The following GPR63 variants were observed in gnomAD, a reference collection of about 807,000 sequenced individuals.
GPR63 encodes probable G protein-coupled receptor 63.
Under a neutral mutation model 23.1 loss-of-function variants are expected in GPR63, and 12 were observed. The observed-to-expected ratio is 0.52, with a 90% CI of 0.33 to 0.84. The LOEUF is 0.84. Ranked by LOEUF, GPR63 falls within the 40% of genes least tolerant of loss-of-function variation. The pLI is 0.02. For missense variants in GPR63, 472 were observed against 515.6 expected, an observed-to-expected ratio of 0.92 and a Z score of 0.82; for synonymous variants, 172 against 191.1, an observed-to-expected ratio of 0.90 and a Z score of 0.82.
chr6:96,828,332 G>T (rs1005796047), intron 1 of GPR63, among the ~76,000 whole-genome samples: 3 of 151,840 alleles, frequency 2.0e-5, no homozygotes, highest in Non-Finnish European at 4.4e-5. Context: ...TACCCTTATA[G>T]TCTTATTTAA....
At chr6:96,810,216 TGG>T (rs557355091) in intron 1 of GPR63, among the ~76,000 whole-genome samples, 91 of 152,198 alleles carry the variant, frequency 6.0e-4, no homozygotes, top group African/African-American at 2.1e-3. Context: ...TTAAATAAAC[TGG>T]GGCGCGGTGG....
rs114889510 is a variant in GPR63, at chr6:96,835,562, T to C, written c.-151+1706A>G. ...ACTTAGGAACACTAAATTCTTACTT[T>C]CTTGCTTGCAGTCCAGCAAACTTAA... On this transcript the variant is annotated intron_variant, in intron 1 of 1. Transcript: ENST00000229955. Among the ~76,000 whole-genome samples the C allele has an allele frequency of 2.8e-3, 433 of 152,320 alleles. 2 individuals carry two copies. The highest frequency in any genetic ancestry group is 9.5e-3 in the African/African-American group (396 of 41,574).
chr6:96,803,294 T>C (rs1425164360), intron 1 of GPR63, among the ~76,000 whole-genome samples: 1 of 152,136 alleles, frequency 6.6e-6, no homozygotes, highest in Non-Finnish European at 1.5e-5. Context: ...CCAAGAACAA[T>C]GCCAGCTTGG....
In GPR63 at chr6:96,808,503, A is replaced by ACAATCCCAATAGAACTGAATAT. The variant is rs1390272925; in HGVS notation, c.-150-8644_-150-8623dup. Among the ~76,000 whole-genome samples, 5 of 152,354 alleles carry ACAATCCCAATAGAACTGAATAT rather than the reference A, an allele frequency of 3.3e-5. No individual in the cohort carries two copies. The East Asian group carries it at 9.6e-4, about 29-fold the overall frequency. Reference sequence around the variant, plus strand: ...TCACATGAAACAAAGTGAAAATTCTACAATCCCAATAGAACTGAATATTTA... The same window carrying ACAATCCCAATAGAACTGAATAT: ...TCACATGAAACAAAGTGAAAATTCTACAATCCCAATAGAACTGAATATCAATCCCAATAGAACTGAATATTTA... On this transcript the variant is annotated intron_variant, in intron 1 of 1. Transcript: ENST00000229955.
At chr6:96,806,660 T>C (rs1773904987) in intron 1 of GPR63, among the ~76,000 whole-genome samples, 1 of 152,168 alleles carries the variant, frequency 6.6e-6, no homozygotes, top group Non-Finnish European at 1.5e-5. Context: ...TTGTCTGACT[T>C]TCTGAAGCCA....
chr6:96,815,139 G>C (rs770481939), intron 1 of GPR63, among the ~76,000 whole-genome samples: 25 of 152,334 alleles, frequency 1.6e-4, no homozygotes, highest in Non-Finnish European at 1.0e-4. Flanking sequence ...TGGTAAGGTT[G>C]ACACTCACCA....
chr6:96,816,619 A>G (rs1231046244), intron 1 of GPR63, among the ~76,000 whole-genome samples: 1 of 152,238 alleles, frequency 6.6e-6, no homozygotes, highest in Admixed American at 6.5e-5. Context: ...TTTCACCTGA[A>G]GGCATGAGCT....
chr6:96,805,113 TTC>T (rs1773863597), intron 1 of GPR63, among the ~76,000 whole-genome samples: 1 of 152,130 alleles, frequency 6.6e-6, no homozygotes, highest in Non-Finnish European at 1.5e-5. Flanking sequence ...CACACATACA[TTC>T]TTTTTTCCCA....
chr6:96,810,497 G>GAAAAAAA (rs5878448), intron 1 of GPR63, among the ~76,000 whole-genome samples: 1 of 126,706 alleles, frequency 7.9e-6, no homozygotes, highest in African/African-American at 3.0e-5. Flanking sequence ...TCCGTCCCAG[G>GAAAAAAA]AAAAAAAAAA....
At chr6:96,819,677 GTAAAA>G (rs1296124329) in intron 1 of GPR63, among the ~76,000 whole-genome samples, 14 of 146,416 alleles carry the variant, frequency 9.6e-5, no homozygotes, top group Non-Finnish European at 1.9e-4. Flanking sequence ...AGAACTTAAA[GTAAAA>G]TAAAATAAAA....
intron 1 of GPR63, among the ~76,000 whole-genome samples, chr6:96,827,294 A>G (rs1374538522): frequency 6.6e-6 from 1 of 152,168 alleles, no homozygotes; most frequent in Non-Finnish European, 1.5e-5. Context: ...CGTATTAGAC[A>G]TAGTTGAAGT....
rs1446717850 is a variant in GPR63 at position 96,795,732 on chromosome 6, G to A, written c.*2740C>T. The A allele has an allele frequency of 1.3e-5, 2 of 152,154 alleles. No homozygotes were observed. Among genetic ancestry groups the A allele is most frequent in the African/African-American group, 4.8e-5 (2 of 41,446 alleles). The allele number at this position is 152,154 out of a possible 1,614,324, so 9.4% of individuals were successfully genotyped here. On this transcript the variant is annotated 3_prime_UTR_variant, in exon 2 of 2. Transcript: ENST00000229955. ...GCTCAGTTTCACCTCCAGCCAAAAA[G>A]GAGTCTTCATGACCTATCAATATGT...
At chr6:96,804,584 GATC>G (rs1773850449) in intron 1 of GPR63, among the ~76,000 whole-genome samples, 2 of 152,052 alleles carry the variant, frequency 1.3e-5, no homozygotes, top group African/African-American at 4.8e-5. Flanking sequence ...GTTTTAAGGT[GATC>G]ATCAAACCCT....
chr6:96,824,422 C>A (rs2127957679), intron 1 of GPR63, among the ~76,000 whole-genome samples: 1 of 151,962 alleles, frequency 6.6e-6, no homozygotes, highest in East Asian at 1.9e-4. Context: ...AAAACAATCC[C>A]ATTTCTACTA....
chr6:96,832,127 A>C (rs1201688320), intron 1 of GPR63, among the ~76,000 whole-genome samples: 1 of 152,056 alleles, frequency 6.6e-6, no homozygotes, highest in Non-Finnish European at 1.5e-5. Context: ...ACTAAGGGCC[A>C]TTTTTAGAAA....
intron 1 of GPR63, among the ~76,000 whole-genome samples, chr6:96,832,090 C>T (rs922699179): frequency 2.6e-5 from 4 of 151,406 alleles, no homozygotes; most frequent in African/African-American, 7.3e-5. Flanking sequence ...TTCATCTTTA[C>T]ACGAAATTAC....
intron 1 of GPR63, among the ~76,000 whole-genome samples, chr6:96,829,852 G>GA (rs957467364): frequency 1.3e-4 from 19 of 150,726 alleles, no homozygotes; most frequent in Non-Finnish European, 1.3e-4. Context: ...TAAAAACATT[G>GA]AAAAAAAAGA....
At chr6:96,820,507 C>T (rs988112231) in intron 1 of GPR63, among the ~76,000 whole-genome samples, 3 of 152,074 alleles carry the variant, frequency 2.0e-5, no homozygotes, top group South Asian at 2.1e-4. Context: ...AATTACTTAC[C>T]TAGTAATCTA....
In GPR63 at chr6:96,799,002, T is replaced by C. The variant is rs1436535068; in HGVS notation, c.730A>G (p.Ile244Val). ...TTNPGYQAYVILISLISFFIP... is the reference protein window; with the variant it reads ...TTNPGYQAYVVLISLISFFIP... ...AAGAAAGAAATGAGAGAAATCAAAATCACATAAGCCTGGTAGCCTGGATTG... is the reference window on the plus strand; with the variant it reads ...AAGAAAGAAATGAGAGAAATCAAAACCACATAAGCCTGGTAGCCTGGATTG... The change falls in exon 2 of 2, where the codon ATT becomes GTT. Residue 244 changes from isoleucine (I) to valine (V), a missense_variant. Physicochemically the swap from Ile to Val is conservative, Grantham distance 29. Transcript: ENST00000229955. 1 of 1,613,996 alleles carries C rather than the reference T, an allele frequency of 6.2e-7. No homozygotes were observed. Among genetic ancestry groups the C allele is most frequent in the South Asian group, 1.1e-5 (1 of 91,068 alleles).
Sources: allele counts gnomAD v4.1 joint callset (sites outside exome capture counted in the v4.1 genomes callset), GRCh38; gene constraint gnomAD v4.1.1; transcripts MANE v1.5; gene names NCBI Gene and HGNC (gene_info 2026-07-23, HGNC 2026-07-21).